POLR3B: variants seen among roughly 807,000 people sequenced by gnomAD.
The protein encoded by POLR3B is RNA polymerase III subunit B.
POLR3B carries 96 observed loss-of-function variants against 147.4 expected under a neutral mutation model. The ratio of observed to expected loss-of-function variants is 0.65; its 90% CI spans 0.55 to 0.77. The LOEUF (loss-of-function observed/expected upper bound fraction) is 0.77. Ranked by LOEUF, POLR3B falls within the 30% of genes least tolerant of loss-of-function variation. The pLI is 0.00. For synonymous variants in POLR3B, 461 were observed against 485.9 expected, an observed-to-expected ratio of 0.95 and a Z score of 0.67; for missense variants, 1,036 against 1,413.5, an observed-to-expected ratio of 0.73 and a Z score of 4.28.
At chr12:106,438,840 CTAAGT>C (rs1208125435) in intron 18 of POLR3B, among the ~76,000 whole-genome samples, 2 of 152,036 alleles carry the variant, frequency 1.3e-5, no homozygotes, top group Non-Finnish European at 2.9e-5. Flanking sequence ...TTCAAAAACT[CTAAGT>C]TTATGTGCAG....
At chr12:106,493,801 C>T (rs551244550) in intron 23 of POLR3B, among the ~76,000 whole-genome samples, 29 of 152,190 alleles carry the variant, frequency 1.9e-4, no homozygotes, top group Non-Finnish European at 4.1e-4. Flanking sequence ...CTTTCTGTGT[C>T]GATTTCATGG....
rs2288267 is a variant in POLR3B at position 106,504,571 on chromosome 12, T to A, written c.3272+317T>A. Among the ~76,000 whole-genome samples the A allele has an allele frequency of 6.6e-6, 1 of 152,206 alleles. No homozygotes were observed. The highest frequency in any genetic ancestry group is 1.9e-4 in the East Asian group (1 of 5,192). The stretch of plus-strand genomic sequence containing the variant: ...AATCCTACAGATGCATTGTCGGGTG[T>A]TAGAATCGCAGTGTGTTAAAGAAAC... On this transcript the variant is annotated intron_variant, in intron 27 of 27. Transcript: ENST00000228347. The surrounding 1 kb of genome is among the most constrained non-coding windows in gnomAD (Gnocchi z 4.6).
Position 106,358,339 on chromosome 12 carries a change from C to T in POLR3B, c.72+388C>T, listed in dbSNP as rs555826057. On this transcript the variant is annotated intron_variant, in intron 1 of 27. Coordinates refer to ENST00000228347, the MANE Select transcript of POLR3B (RefSeq NM_018082.6). ...GGCCATTTGCATGAGGCACCACAGC[C>T]GGCTGTGGGGGTAAAACCAGATCGT... 75 of 817,122 alleles carry T rather than the reference C, an allele frequency of 9.2e-5. 1 individual carries two copies. In the Middle Eastern group the frequency reaches 2.2e-3, roughly 23 times the overall value. 50.6% of individuals were successfully genotyped at this position (817,122 alleles called of 1,614,324 possible).
intron 21 of POLR3B, 84 bp from the exon 22 acceptor site, chr12:106,459,167 G>T (rs889913566): frequency 2.5e-6 from 2 of 812,624 alleles, no homozygotes; most frequent in African/African-American, 1.7e-5. Flanking sequence ...GGGACTGCAG[G>T]CCTGTGCATC....
At chr12:106,382,419 C>G (rs1030289839) in intron 9 of POLR3B, among the ~76,000 whole-genome samples, 1 of 152,116 alleles carries the variant, frequency 6.6e-6, no homozygotes, top group Non-Finnish European at 1.5e-5. Context: ...AAGAGTGAAT[C>G]CTTTGTAGAA....
intron 6 of POLR3B, among the ~76,000 whole-genome samples, chr12:106,375,208 C>T (rs2036661289): frequency 6.6e-6 from 1 of 152,216 alleles, no homozygotes; most frequent in Non-Finnish European, 1.5e-5. Flanking sequence ...ATTGTGCATC[C>T]AGTCATCCTT....
intron 9 of POLR3B, chr12:106,381,960 C>T (rs1593008580): frequency 6.6e-6 from 1 of 152,208 alleles, no homozygotes; most frequent in Admixed American, 6.5e-5. Flanking sequence ...CTGACGTTGC[C>T]ATGGCACTTG....
intron 11 of POLR3B, among the ~76,000 whole-genome samples, chr12:106,409,331 T>TA (rs1303540148): frequency 3.4e-5 from 5 of 147,418 alleles, no homozygotes; most frequent in African/African-American, 1.0e-4. Flanking sequence ...TAACTGGTGT[T>TA]ACGATTGTAA....
At chr12:106,373,415 T>C in intron 6 of POLR3B, among the ~76,000 whole-genome samples, 1 of 152,198 alleles carries the variant, frequency 6.6e-6, no homozygotes, top group East Asian at 1.9e-4. Flanking sequence ...TGCTTTCTTT[T>C]GGTTATATTT....
At chr12:106,422,136 C>T (rs891091240) in intron 12 of POLR3B, among the ~76,000 whole-genome samples, 3 of 152,098 alleles carry the variant, frequency 2.0e-5, no homozygotes, top group South Asian at 2.1e-4. Context: ...ATGTAATCCC[C>T]GATGCTGGAC....
intron 21 of POLR3B, 77 bp from the exon 22 acceptor site, chr12:106,459,174 C>T (rs2037903497): frequency 1.2e-6 from 1 of 846,560 alleles, no homozygotes; most frequent in South Asian, 1.3e-5. Flanking sequence ...CAGGCCTGTG[C>T]ATCTTTGCCT....
chr12:106,472,252 C>T lies in POLR3B; in HGVS notation c.2713+8632C>T, dbSNP rs867791695. ...GTATATGTGCCACATTTTCTTAATC[C>T]AGTCTATCATTGTTGGACATTTGGG... On this transcript the variant is annotated intron_variant, in intron 23 of 27. Coordinates refer to ENST00000228347, the MANE Select transcript of POLR3B (RefSeq NM_018082.6). Among the ~76,000 whole-genome samples, 135 of 149,820 alleles carry T rather than the reference C, an allele frequency of 9.0e-4. 1 individual carries two copies. The highest frequency in any genetic ancestry group is 3.3e-3 in the African/African-American group (133 of 40,424).
chr12:106,434,171 A>G (rs1457263867), intron 16 of POLR3B, among the ~76,000 whole-genome samples: 3 of 152,210 alleles, frequency 2.0e-5, no homozygotes, highest in Non-Finnish European at 4.4e-5. Flanking sequence ...TAATGGAGAC[A>G]CTATATGTGT....
chr12:106,443,651 G>A (rs1278321719), intron 18 of POLR3B, among the ~76,000 whole-genome samples: 1 of 151,182 alleles, frequency 6.6e-6, no homozygotes, highest in Non-Finnish European at 1.5e-5. Flanking sequence ...CAGAGTAGCT[G>A]GGATTATAGG....
At chr12:106,408,695 C>T (rs189240090) in intron 11 of POLR3B, among the ~76,000 whole-genome samples, 25 of 152,238 alleles carry the variant, frequency 1.6e-4, no homozygotes, top group Non-Finnish European at 3.2e-4. Flanking sequence ...TTTTTCTCCC[C>T]CTCTTTCACA....
chr12:106,438,822 A>G (rs1164812868), intron 18 of POLR3B, among the ~76,000 whole-genome samples: 1 of 146,298 alleles, frequency 6.8e-6, no homozygotes, highest in Admixed American at 6.7e-5. Context: ...AATTCTCTAC[A>G]TAGTCTGTTC....
chr12:106,371,706 G>A (rs1427383955), intron 6 of POLR3B, among the ~76,000 whole-genome samples: 8 of 142,884 alleles, frequency 5.6e-5, no homozygotes, highest in Admixed American at 7.5e-5. Context: ...ACCAAACACC[G>A]TATATTCTCA....
intron 12 of POLR3B, among the ~76,000 whole-genome samples, chr12:106,426,222 TTGTGTGTGTGTGTGTGTGTGTGTG>T (rs35090518): frequency 2.3e-5 from 3 of 131,130 alleles, no homozygotes; most frequent in Non-Finnish European, 4.8e-5. Context: ...GGCCTGCAAT[TTGTGTGTGTGTGTGTGTGTGTGTG>T]TGTGTGTGTG....
At chr12:106,418,132 A>G (rs1171122519) in intron 12 of POLR3B, among the ~76,000 whole-genome samples, 1 of 152,152 alleles carries the variant, frequency 6.6e-6, no homozygotes, top group Non-Finnish European at 1.5e-5. Flanking sequence ...TGATGCCACA[A>G]GAGGGTTGGC....
Sources: allele counts gnomAD v4.1 joint callset (sites outside exome capture counted in the v4.1 genomes callset), GRCh38; gene constraint gnomAD v4.1.1; non-coding constraint Gnocchi (gnomAD v3.1); transcripts MANE v1.5; gene names NCBI Gene and HGNC (gene_info 2026-07-23, HGNC 2026-07-21).